Variants in OSBPL10 observed in about 807,000 individuals in gnomAD.
The protein encoded by OSBPL10 is oxysterol-binding protein-related protein 10.
A neutral mutation model predicts 81.7 loss-of-function variants in OSBPL10; 49 were observed. That is an observed-to-expected ratio of 0.60 (90% confidence interval 0.48 to 0.76). OSBPL10 has a LOEUF of 0.76. Among genes scored for constraint, OSBPL10 ranks in the 30% least tolerant of loss-of-function variants. The pLI, the probability that OSBPL10 is intolerant of heterozygous loss-of-function variation, is 0.00. For synonymous variants in OSBPL10, 419 were observed against 383.6 expected (o/e 1.09, Z -1.08); for missense variants, 923 against 987.8 (o/e 0.93, Z 0.88).
chr3:31,824,334 C>G (rs1700051411), intron 4 of OSBPL10, among the ~76,000 whole-genome samples: 1 of 152,064 alleles, frequency 6.6e-6, no homozygotes, highest in Admixed American at 6.6e-5. Context: ...CTAGTACTGC[C>G]ATCAATTGTC....
intron 1 of OSBPL10, among the ~76,000 whole-genome samples, chr3:31,928,510 C>T (rs2125715840): frequency 1.6e-5 from 2 of 125,924 alleles, no homozygotes; most frequent in Middle Eastern, 7.4e-3. Flanking sequence ...CAGAGCGGCT[C>T]CTGCCTGTAA....
At chr3:32,010,894 A>T (rs2125539176) in intron 2 of OSBPL10, among the ~76,000 whole-genome samples, 1 of 152,238 alleles carries the variant, frequency 6.6e-6, no homozygotes, top group East Asian at 1.9e-4. Context: ...AGGCTGGAGG[A>T]GGGGCGCCCC....
intron 1 of OSBPL10, among the ~76,000 whole-genome samples, chr3:31,962,157 A>T (rs1372723530): frequency 1.3e-5 from 2 of 152,014 alleles, no homozygotes; most frequent in Non-Finnish European, 2.9e-5. Context: ...GGGTTTCATC[A>T]CGTTGGCCAG....
chr3:31,841,802 CTTAT>C (rs1487713217), intron 3 of OSBPL10, among the ~76,000 whole-genome samples: 9 of 152,298 alleles, frequency 5.9e-5, no homozygotes, highest in Middle Eastern at 3.4e-3. Flanking sequence ...TGCTGCTGTA[CTTAT>C]TATTTTAATT....
In OSBPL10 at chr3:32,050,319, A is replaced by G. The variant is rs185255373; in HGVS notation, n.186-3716T>C. On this transcript the variant is annotated intron_variant and non_coding_transcript_variant, in intron 1 of 3. Transcript: ENST00000479173. The stretch of plus-strand genomic sequence containing the variant: ...TAGTAGCTAAGGCTTTCTTTTCACA[A>G]CGGTGGCATGAATTCAGGGTTCAAT... 9.8e-5 allele frequency among the ~76,000 whole-genome samples: 15 copies of G among 152,298 alleles called. 1 individual carries two copies. Among genetic ancestry groups the G allele is most frequent in the Admixed American group, 2.6e-4 (4 of 15,290 alleles).
At position 32,063,506 on chromosome 3, in the gene OSBPL10, A is replaced by G. The variant is rs564550589; in HGVS notation, n.185+13890T>C. 9.7e-5 allele frequency among the ~76,000 whole-genome samples: 9 copies of G among 92,318 alleles called. 3 individuals are homozygous for G. Among genetic ancestry groups the G allele is most frequent in the Admixed American group, 5.3e-4 (4 of 7,604 alleles). The allele number at this position is 92,318 out of a possible 152,430, so 60.6% of individuals were successfully genotyped here. ...GCAGAACCTTCCTCGTCAAATTTTT[A>G]AGGAAGATTCAGTGCAAATTTGGCC... On this transcript the variant is annotated intron_variant and non_coding_transcript_variant, in intron 1 of 3. Coordinates refer to the OSBPL10 transcript ENST00000479173.
intron 1 of OSBPL10, among the ~76,000 whole-genome samples, chr3:31,903,330 GTT>G (rs11383935): frequency 2.9e-5 from 4 of 137,362 alleles, no homozygotes; most frequent in East Asian, 2.1e-4. Flanking sequence ...TGCTTTTTAG[GTT>G]TTTTTTTTTT....
chr3:31,812,551 G>A (rs181615128), intron 4 of OSBPL10, among the ~76,000 whole-genome samples: 1 of 151,936 alleles, frequency 6.6e-6, no homozygotes, highest in African/African-American at 2.4e-5. Context: ...AAGTATTGTC[G>A]CTGTGATTTA....
intron 1 of OSBPL10, among the ~76,000 whole-genome samples, chr3:31,944,833 TAAAAAAAAAA>T (rs869140991): frequency 1.6e-4 from 9 of 55,100 alleles, no homozygotes; most frequent in African/African-American, 4.6e-4. Flanking sequence ...CCCCTCTCTT[TAAAAAAAAAA>T]AAAAAAAAAA....
chr3:31,809,869 CTTTTTT>C (rs34795137), intron 4 of OSBPL10, among the ~76,000 whole-genome samples: 7 of 98,622 alleles, frequency 7.1e-5, no homozygotes, highest in Middle Eastern at 6.3e-3. Flanking sequence ...CCCCCTGACT[CTTTTTT>C]TTTTTTTTTT....
chr3:31,709,140 C>T (rs988443014), intron 6 of OSBPL10: 113 of 614,130 alleles, frequency 1.8e-4, no homozygotes, highest in Non-Finnish European at 1.5e-4. Context: ...TCCAAGTACA[C>T]GCATGTCCAC....
chr3:31,929,604 T>C (rs1697176339), intron 1 of OSBPL10, among the ~76,000 whole-genome samples: 1 of 151,472 alleles, frequency 6.6e-6, no homozygotes, highest in South Asian at 2.1e-4. Context: ...AAAAATTAGC[T>C]GGGCGTGGTG....
At chr3:31,817,687 T>G (rs1422938325) in intron 4 of OSBPL10, among the ~76,000 whole-genome samples, 2 of 152,070 alleles carry the variant, frequency 1.3e-5, no homozygotes, top group Non-Finnish European at 2.9e-5. Context: ...CCTGCCTGCT[T>G]GATAGAGCAG....
chr3:31,680,728 C>T (rs1700619909), intron 8 of OSBPL10, among the ~76,000 whole-genome samples: 1 of 152,180 alleles, frequency 6.6e-6, no homozygotes, highest in Admixed American at 6.5e-5. Context: ...CTGTGCCCCT[C>T]TAAGGAGCCT....
chr3:32,051,525 C>G (rs572745521), intron 1 of OSBPL10, among the ~76,000 whole-genome samples: 3 of 152,296 alleles, frequency 2.0e-5, no homozygotes, highest in African/African-American at 4.8e-5. Context: ...TCCTCACCCC[C>G]CACTGAGAGA....
chr3:31,869,159 G>A (rs1395918150), intron 3 of OSBPL10, among the ~76,000 whole-genome samples: 2 of 152,166 alleles, frequency 1.3e-5, no homozygotes, highest in Admixed American at 6.5e-5. Context: ...TCTTGCTTGA[G>A]CTATATGACC....
At chr3:31,989,370 T>C (rs769255365) in intron 2 of OSBPL10, 2 of 1,614,162 alleles carry the variant, frequency 1.2e-6, no homozygotes, top group Non-Finnish European at 1.7e-6. Flanking sequence ...GTCATCACAT[T>C]GGAGATTTTT....
chr3:31,929,106 T>C (rs1299446619), intron 1 of OSBPL10, among the ~76,000 whole-genome samples: 2 of 152,158 alleles, frequency 1.3e-5, no homozygotes, highest in Non-Finnish European at 2.9e-5. Flanking sequence ...ATCATTGCCA[T>C]AGGCACTCTA....
chr3:31,988,746 C>G (rs949442910), intron 2 of OSBPL10: 1 of 316,180 alleles, frequency 3.2e-6, no homozygotes, highest in African/African-American at 2.1e-5. Context: ...GGTGTGCCAG[C>G]CACTGTGTCA....
Sources: gnomAD v4.1 joint callset for allele counts (sites outside exome capture counted in the v4.1 genomes callset) on GRCh38, gnomAD v4.1.1 for gene constraint, MANE v1.5 for transcripts, NCBI Gene and HGNC (gene_info 2026-07-23, HGNC 2026-07-21) for gene names.